RGPD8: variants seen among roughly 807,000 people sequenced by gnomAD.
RGPD8 encodes RANBP2 like and GRIP domain containing 8, also known as RANBP2-like and GRIP domain-containing protein 8.
A neutral mutation model predicts 89.1 loss-of-function variants in RGPD8; 15 were observed. The observed-to-expected ratio is 0.17, with a 90% CI of 0.11 to 0.26. RGPD8 has a LOEUF of 0.26. RGPD8 is among the 10% of genes least tolerant of loss of function. The pLI is 1.00. For synonymous variants in RGPD8, 62 were observed against 420.9 expected, an observed-to-expected ratio of 0.15 and a Z score of 10.44; for missense variants, 178 against 1,179.6, an observed-to-expected ratio of 0.15 and a Z score of 12.44.
chr2:112,385,187 C>G (rs1382560812), intron 20 of RGPD8, among the ~76,000 whole-genome samples: 1 of 138,960 alleles, frequency 7.2e-6, no homozygotes, highest in African/African-American at 2.7e-5. Context: ...TGCCTGTGTT[C>G]AAGCATGATA....
chr2:112,374,668 A>G (rs1210456723), intron 22 of RGPD8, among the ~76,000 whole-genome samples: 1 of 126,564 alleles, frequency 7.9e-6, no homozygotes, highest in Non-Finnish European at 1.7e-5. Context: ...ATCTGTGGAT[A>G]GATATCCTTC....
intron 20 of RGPD8, among the ~76,000 whole-genome samples, chr2:112,382,141 T>C (rs2104769261): frequency 6.6e-6 from 1 of 152,390 alleles, no homozygotes; most frequent in East Asian, 1.9e-4. Context: ...TTCCTGCCCT[T>C]GAACATCAGA....
At chr2:112,431,907 T>A (rs1195330910) in intron 1 of RGPD8, among the ~76,000 whole-genome samples, 1 of 152,222 alleles carries the variant, frequency 6.6e-6, no homozygotes, top group Non-Finnish European at 1.5e-5. Flanking sequence ...CCCAAAGTGG[T>A]GGGATTACAG....
At chr2:112,411,263 T>TAAAAAAA (rs544543428) in intron 7 of RGPD8, among the ~76,000 whole-genome samples, 3 of 83,084 alleles carry the variant, frequency 3.6e-5, no homozygotes, top group Non-Finnish European at 4.5e-5. Flanking sequence ...GCAAGCTCAT[T>TAAAAAAA]AAAAAAAAAA....
chr2:112,424,150 C>T, intron 2 of RGPD8, 90 bp downstream of exon 2: 6 of 1,440,658 alleles, frequency 4.2e-6, no homozygotes, highest in Non-Finnish European at 5.6e-6. Context: ...GGAAGAACTA[C>T]TAAGAACATA....
chr2:112,427,674 G>A (rs1197635399), intron 1 of RGPD8, among the ~76,000 whole-genome samples: 13 of 152,036 alleles, frequency 8.6e-5, no homozygotes, highest in Non-Finnish European at 4.4e-5. Context: ...TAATTCAAAC[G>A]GAGTCTCACC....
intron 2 of RGPD8, 88 bp from the exon 3 acceptor site, chr2:112,422,747 A>G (rs1679609467): frequency 1.8e-6 from 1 of 553,192 alleles, no homozygotes; most frequent in Non-Finnish European, 3.1e-6. Context: ...AACCAAAGCA[A>G]CCACTAAACT....
chr2:112,379,603 A>C lies in RGPD8; in HGVS notation c.5061+1221T>G, dbSNP rs1451956617. On this transcript the variant is annotated intron_variant, in intron 21 of 22. Transcript: ENST00000302558. ...GAGCGAGACTATCTCAAAAAAAAAA[A>C]ACAAGAAAATATAACATTTAAATAA... Among the ~76,000 whole-genome samples, 2 of 118,052 alleles carry C rather than the reference A, an allele frequency of 1.7e-5. 1 individual carries two copies. Among genetic ancestry groups the C allele is most frequent in the African/African-American group, 5.5e-5 (2 of 36,122 alleles). 77.4% of individuals were successfully genotyped at this position (118,052 alleles called of 152,430 possible). A position where few individuals can be genotyped will look rare whatever the true frequency, so the allele number is the denominator to read the frequency against.
intron 4 of RGPD8, among the ~76,000 whole-genome samples, chr2:112,419,352 AC>A (rs1383322259): frequency 2.4e-5 from 3 of 122,452 alleles, no homozygotes; most frequent in African/African-American, 9.6e-5. Flanking sequence ...GATGGATGAA[AC>A]CCTGGCCTCT....
At chr2:112,415,847 C>T (rs1248809549) in intron 6 of RGPD8, among the ~76,000 whole-genome samples, 1 of 147,080 alleles carries the variant, frequency 6.8e-6, no homozygotes, top group African/African-American at 2.5e-5. Flanking sequence ...TGCACCACTG[C>T]ATGCCAACCT....
intron 20 of RGPD8, among the ~76,000 whole-genome samples, chr2:112,382,285 T>C (rs1678336175): frequency 6.6e-6 from 1 of 151,542 alleles, no homozygotes; most frequent in African/African-American, 2.4e-5. Flanking sequence ...AACCATCCAA[T>C]TAGTTCTGTC....
rs1262068417 is a variant in RGPD8, at chr2:112,377,315, C to T, written c.5263+738G>A. Among the ~76,000 whole-genome samples the T allele has an allele frequency of 3.1e-5, 3 of 97,304 alleles. 1 individual carries two copies. The Admixed American group carries it at 3.2e-4, about 10-fold the overall frequency. The allele number at this position is 97,304 out of a possible 152,430, so 63.8% of individuals were successfully genotyped here. A position where few individuals can be genotyped will look rare whatever the true frequency, so the allele number is the denominator to read the frequency against. On this transcript the variant is annotated intron_variant, in intron 22 of 22. Transcript: ENST00000302558. Reference sequence around the variant, plus strand: ...TTTTTTTTTTTGAGATGGAGTCTCGCTCTGCCGTCAGGCTGGAGTACAGTG... The same window carrying T: ...TTTTTTTTTTTGAGATGGAGTCTCGTTCTGCCGTCAGGCTGGAGTACAGTG...
At chr2:112,411,519 C>T (rs1451868595) in intron 7 of RGPD8, among the ~76,000 whole-genome samples, 2 of 27,808 alleles carry the variant, frequency 7.2e-5, no homozygotes, top group African/African-American at 3.0e-4. Context: ...TGCAGTGAGC[C>T]GAGATCATGC....
chr2:112,423,677 C>A (rs981575780), intron 2 of RGPD8, among the ~76,000 whole-genome samples: 3 of 147,090 alleles, frequency 2.0e-5, no homozygotes, highest in African/African-American at 7.6e-5. Context: ...TGCTGCACTC[C>A]AGCCGGAGCA....
At position 112,417,074 on chromosome 2, in the gene RGPD8, T is replaced by A. The variant is rs1014675123; in HGVS notation, c.782+119A>T. ...CCTCCTAGCGGTTCACTGTATTAAC[T>A]ATAACTCCTAGGTACATTATAGAAA... On this transcript the variant is annotated intron_variant, in intron 6 of 22. Transcript: ENST00000302558. 2.6e-5 allele frequency: 42 copies of A among 1,599,966 alleles called. 7 individuals carry two copies. In the African/African-American group the frequency reaches 5.7e-4, roughly 22 times the overall value.
chr2:112,370,808 A>G (rs1314745323), intron 22 of RGPD8, among the ~76,000 whole-genome samples: 1 of 149,880 alleles, frequency 6.7e-6, no homozygotes, highest in Non-Finnish European at 1.5e-5. Context: ...GCAATCTAGA[A>G]CTTAACCTTT....
chr2:112,415,492 CCT>C (rs1226494564), intron 6 of RGPD8, among the ~76,000 whole-genome samples: 1,009 of 149,484 alleles, frequency 6.7e-3, no homozygotes, highest in African/African-American at 0.024. Flanking sequence ...CAGATTCTCC[CCT>C]GAGTGACTCC....
rs1198407842 is a variant in RGPD8 at position 112,387,349 on chromosome 2, TTTG to T, written c.4921+672_4921+674del. Among the ~76,000 whole-genome samples, 356 of 124,930 alleles carry T rather than the reference TTTG, an allele frequency of 2.8e-3. 11 individuals carry two copies. The highest frequency in any genetic ancestry group is 0.01 in the African/African-American group (345 of 33,888). The allele number at this position is 124,930 out of a possible 152,430, so 82.0% of individuals were successfully genotyped here. ...AGAACATCTCAATATCATGTTTTTT[TTTG>T]TTTTTTGTTTTTTGTTTTTTTTGGA... is the stretch of plus-strand genomic sequence containing the variant. On this transcript the variant is annotated intron_variant, in intron 20 of 22. Transcript: ENST00000302558.
intron 19 of RGPD8, 48 bp from the exon 20 acceptor site, chr2:112,390,295 A>G (rs1678648054): frequency 7.9e-7 from 1 of 1,268,068 alleles, no homozygotes; most frequent in African/African-American, 1.7e-5. Flanking sequence ...TGCCCAAAAT[A>G]GTCATGAAAT....
Sources: gnomAD v4.1 joint callset for allele counts (sites outside exome capture counted in the v4.1 genomes callset) on GRCh38, gnomAD v4.1.1 for gene constraint, MANE v1.5 for transcripts, NCBI Gene and HGNC (gene_info 2026-07-23, HGNC 2026-07-21) for gene names.